The following SYS1 variants were observed in gnomAD, a reference collection of about 807,000 sequenced individuals.
SYS1 encodes the protein protein SYS1 homolog.
In SYS1, 8 loss-of-function variants were observed where a neutral mutation model predicts 17.8. That is an observed-to-expected ratio of 0.45 (90% confidence interval 0.26 to 0.81). The LOEUF is 0.81. Among genes scored for constraint, SYS1 ranks in the 40% least tolerant of loss-of-function variants. SYS1 has a pLI of 0.16. For missense variants in SYS1, 161 were observed against 203.9 expected (o/e 0.79, Z 1.28); for synonymous variants, 95 against 90.9 (o/e 1.05, Z -0.26).
chr20:45,363,424 A>T (rs1396844002), intron 1 of SYS1, 105 bp from the exon 2 acceptor site: 1 of 1,457,006 alleles, frequency 6.9e-7, no homozygotes, highest in African/African-American at 1.4e-5. Context: ...CTTCCCCCTG[A>T]CTCTTGGAAT....
At chr20:45,375,820 T>C (rs865806008) in exon 4 of SYS1, 14 of 446,152 alleles carry the variant, frequency 3.1e-5, no homozygotes, top group South Asian at 5.9e-5. Context: ...GCCACTAGAT[T>C]AGGGTTCTGT....
At chr20:45,373,856 G>T, downstream of SYS1, 1 of 1,562,024 alleles carries the variant, frequency 6.4e-7, no homozygotes. Context: ...CCCAGCCCCA[G>T]ACAAACAGGC....
At chr20:45,364,763 G>T (rs955688613) in intron 2 of SYS1, among the ~76,000 whole-genome samples, 1 of 152,110 alleles carries the variant, frequency 6.6e-6, no homozygotes, top group South Asian at 2.1e-4. Flanking sequence ...GAGCCACCGC[G>T]CCCGGCCGAG....
chr20:45,363,639 G>C lies in SYS1; in HGVS notation c.108G>C (p.Leu36=), dbSNP rs1456863693. 7 of 1,580,694 alleles carry C rather than the reference G, an allele frequency of 4.4e-6. No homozygotes were observed. The African/African-American group carries it at 9.4e-5, about 21-fold the overall frequency. The change falls in exon 2 of 4, where the codon CTG becomes CTC. Residue 36 remains leucine, a synonymous_variant. Coordinates refer to ENST00000243918, the MANE Select transcript of SYS1 (RefSeq NM_033542.4). The part of the protein sequence containing the change: ...YYGSLGLWLA[L]VDGLVRSSPS... Reference sequence around the variant, plus strand: ...GCTCGCTGGGCCTGTGGCTGGCGCTGGTGGACGGGCTAGTGCGAAGCAGCC... The same window carrying C: ...GCTCGCTGGGCCTGTGGCTGGCGCTCGTGGACGGGCTAGTGCGAAGCAGCC...
At chr20:45,374,010 A>G (rs2231627), downstream of SYS1, 7,978 of 1,613,848 alleles carry the variant, frequency 4.9e-3, 308 homozygotes, top group African/African-American at 0.093. Flanking sequence ...GGTCACATCA[A>G]CCTGCCAGCA....
rs1168155670 is a variant in SYS1, at chr20:45,368,408, C to A, written c.*1293C>A. On this transcript the variant is annotated 3_prime_UTR_variant, in exon 4 of 4. Coordinates refer to ENST00000243918, the MANE Select transcript of SYS1 (RefSeq NM_033542.4). ...AGCGGCACACAGTCTAGACCCACTT[C>A]CGCATTGAAACCTTCACTGTTCCTC... 1 of 985,338 alleles carries A rather than the reference C, an allele frequency of 1.0e-6. No homozygotes were observed. The highest frequency in any genetic ancestry group is 1.1e-4 in the East Asian group (1 of 8,830). The allele number at this position is 985,338 out of a possible 1,614,324, so 61.0% of individuals were successfully genotyped here.
In SYS1 at chr20:45,367,864, T is replaced by C. The variant is rs879338804; in HGVS notation, c.*749T>C. 2 of 985,880 alleles carry C rather than the reference T, an allele frequency of 2.0e-6. No homozygotes were observed. The highest frequency in any genetic ancestry group is 6.1e-5 in the Admixed American group (1 of 16,290). 61.1% of individuals were successfully genotyped at this position (985,880 alleles called of 1,614,324 possible). A position where few individuals can be genotyped will look rare whatever the true frequency, so the allele number is the denominator to read the frequency against. On this transcript the variant is annotated 3_prime_UTR_variant, in exon 4 of 4. Coordinates refer to ENST00000243918, the MANE Select transcript of SYS1 (RefSeq NM_033542.4). Reference sequence around the variant, plus strand: ...CTAACCATCATAAAGACACTGCCTGTCTTCTAGGAATGACCAGGCACCCAG... The same window carrying C: ...CTAACCATCATAAAGACACTGCCTGCCTTCTAGGAATGACCAGGCACCCAG...
Position 45,363,172 on chromosome 20 carries a change from C to G in SYS1, c.-147C>G, listed in dbSNP as rs561415420. The G allele has an allele frequency of 9.6e-7, 1 of 1,044,840 alleles. No individual in the cohort carries two copies. Among genetic ancestry groups the G allele is most frequent in the African/African-American group, 1.7e-5 (1 of 59,106 alleles). 64.7% of individuals were successfully genotyped at this position (1,044,840 alleles called of 1,614,324 possible). On this transcript the variant is annotated 5_prime_UTR_variant, in exon 1 of 4. Transcript: ENST00000243918. ...GAAACGTTTCTTTCCTACGCAGCCG[C>G]TCCTGCCGCCGTGGTCGCTGGAGCT...
exon 4 of SYS1, chr20:45,374,874 G>A: frequency 2.2e-6 from 2 of 905,744 alleles, no homozygotes; most frequent in Non-Finnish European, 1.7e-6. Context: ...TATGATGTTG[G>A]TCTAAGGCTT....
At position 45,363,602 on chromosome 20, in the gene SYS1, C is replaced by A; in HGVS notation, c.71C>A (p.Thr24Asn). ...CTGTCGCAGATCGTCCTCATGCAGACCGTGTATTACGGCTCGCTGGGCCTG... is the reference window on the plus strand; with the variant it reads ...CTGTCGCAGATCGTCCTCATGCAGAACGTGTATTACGGCTCGCTGGGCCTG... ...LILSQIVLMQ[T>N]VYYGSLGLWL... Residue 24 changes from threonine to asparagine, a missense_variant, in exon 2 of 4, where the codon ACC (threonine) becomes AAC (asparagine). Transcript: ENST00000243918. 1 of 1,604,658 alleles carries A rather than the reference C, an allele frequency of 6.2e-7. No homozygotes were observed.
At chr20:45,374,059 G>GC (rs768735995), downstream of SYS1, 2 of 1,587,020 alleles carry the variant, frequency 1.3e-6, no homozygotes, top group Non-Finnish European at 8.6e-7. Flanking sequence ...TCCCCAGGGG[G>GC]CGCTGGTCGT....
At chr20:45,374,074 G>A (rs1446241737), downstream of SYS1, 3 of 1,529,270 alleles carry the variant, frequency 2.0e-6, no homozygotes, top group Non-Finnish European at 1.8e-6. Context: ...GGTCGTTTGG[G>A]GAGCGGGCGC....
At position 45,367,957 on chromosome 20, in the gene SYS1, T is replaced by A; in HGVS notation, c.*842T>A. ...TCTTTGGCGGGAAGGGTATGATGGGTTCCCAGAGACAAGAAGCCCAACCTT... is the reference window on the plus strand; with the variant it reads ...TCTTTGGCGGGAAGGGTATGATGGGATCCCAGAGACAAGAAGCCCAACCTT... On this transcript the variant is annotated 3_prime_UTR_variant, in exon 4 of 4. Transcript: ENST00000243918. 1 of 985,472 alleles carries A rather than the reference T, an allele frequency of 1.0e-6. No homozygotes were observed. The highest frequency in any genetic ancestry group is 1.2e-6 in the Non-Finnish European group (1 of 829,928). 61.0% of individuals were successfully genotyped at this position (985,472 alleles called of 1,614,324 possible). A position where few individuals can be genotyped will look rare whatever the true frequency, so the allele number is the denominator to read the frequency against.
exon 4 of SYS1, chr20:45,376,251 T>C (rs1188318673): frequency 2.0e-5 from 3 of 152,376 alleles, no homozygotes; most frequent in African/African-American, 4.8e-5. Flanking sequence ...AGGGTGTCTG[T>C]AACAGACTGG....
chr20:45,367,457 T>A lies in SYS1; in HGVS notation c.*342T>A. On this transcript the variant is annotated 3_prime_UTR_variant, in exon 4 of 4. Transcript: ENST00000243918. ...AGAAAAAAAATCAAGGATATCTGAT[T>A]GGAGCAAACCACTTCTTTAGTCATC... 2 of 1,125,392 alleles carry A rather than the reference T, an allele frequency of 1.8e-6. No individual in the cohort carries two copies. The highest frequency in any genetic ancestry group is 1.3e-4 in the East Asian group (2 of 15,806). The allele number at this position is 1,125,392 out of a possible 1,614,324, so 69.7% of individuals were successfully genotyped here. A position where few individuals can be genotyped will look rare whatever the true frequency, so the allele number is the denominator to read the frequency against.
intron 3 of SYS1, chr20:45,365,892 G>A (rs868577296): frequency 6.9e-5 from 41 of 597,412 alleles, no homozygotes; most frequent in African/African-American, 6.1e-4. Context: ...ATGTCACTAT[G>A]TTTGTGCTGC....
exon 4 of SYS1, chr20:45,374,932 A>C (rs1473336293): frequency 2.1e-6 from 3 of 1,459,952 alleles, no homozygotes; most frequent in Non-Finnish European, 2.8e-6. Flanking sequence ...TACCAGCCAC[A>C]CACCACTCAA....
At chr20:45,371,606 G>A (rs1017249141), downstream of SYS1, among the ~76,000 whole-genome samples, 1 of 152,254 alleles carries the variant, frequency 6.6e-6, no homozygotes, top group Non-Finnish European at 1.5e-5. Flanking sequence ...AGGCCTGTCT[G>A]CCTCATCTGC....
chr20:45,375,609 A>G (rs140201378), exon 4 of SYS1: 237 of 1,547,020 alleles, frequency 1.5e-4, no homozygotes, highest in Non-Finnish European at 1.9e-4. Flanking sequence ...GGTTCCCGAG[A>G]CAGTTGCTAT....
Sources: gnomAD v4.1 joint callset for allele counts (sites outside exome capture counted in the v4.1 genomes callset) on GRCh38, gnomAD v4.1.1 for gene constraint, MANE v1.5 for transcripts, NCBI Gene and HGNC (gene_info 2026-07-23, HGNC 2026-07-21) for gene names.